Variants in HMCN1 observed in about 807,000 individuals in gnomAD.
HMCN1 encodes the protein hemicentin 1.
Under a neutral mutation model 625.9 loss-of-function variants are expected in HMCN1, and 321 were observed. The ratio of observed to expected loss-of-function variants is 0.51; its 90% confidence interval spans 0.47 to 0.56. HMCN1 has a LOEUF of 0.56. Ranked by LOEUF, HMCN1 falls within the 20% of genes least tolerant of loss-of-function variation. The pLI is 0.00. For missense variants in HMCN1, 6,588 were observed against 6,887.3 expected (o/e 0.96, Z 1.54); for synonymous variants, 2,425 against 2,417.6 (o/e 1.00, Z -0.09).
At chr1:186,027,827 C>A (rs1558155717) in intron 36 of HMCN1, among the ~76,000 whole-genome samples, 1 of 152,114 alleles carries the variant, frequency 6.6e-6, no homozygotes, top group Non-Finnish European at 1.5e-5. Context: ...TAGTAGAGCA[C>A]CCCTTATTTT....
chr1:186,161,357 G>A (rs990481203), intron 97 of HMCN1, among the ~76,000 whole-genome samples: 16 of 150,116 alleles, frequency 1.1e-4, no homozygotes, highest in African/African-American at 3.8e-4. Context: ...ACGCTGATGG[G>A]TCTTGTCTCT....
Position 186,128,103 on chromosome 1 carries a change from G to A in HMCN1, c.12716G>A (p.Cys4239Tyr). 6.2e-7 allele frequency: 1 copy of A among 1,613,474 alleles called. No individual in the cohort carries two copies. The change falls in exon 83 of 107, where the codon TGT becomes TAT. Residue 4239 changes from cysteine (C) to tyrosine (Y), a missense_variant. Around this residue, in one of 3 missense-constraint regions of HMCN1, gnomAD observed 1,954 missense variants for 2,013.1 expected, o/e 0.97. Transcript: ENST00000271588. ...CTGGAGGATTCTGGCTTCTATACCT[G>A]TGTTGCTAACAATGCTGCAGGTGAA... ...VVLEDSGFYTCVANNAAGEDT... is the reference protein window; with the variant it reads ...VVLEDSGFYTYVANNAAGEDT...
chr1:185,761,022 A>T (rs1474101822), intron 1 of HMCN1, among the ~76,000 whole-genome samples: 1 of 152,070 alleles, frequency 6.6e-6, no homozygotes, highest in Non-Finnish European at 1.5e-5. Flanking sequence ...TAATTTCTCC[A>T]CTTCCAGTAG....
At chr1:186,007,087 A>C in intron 29 of HMCN1, 41 bp from the exon 30 acceptor site, 1 of 1,507,256 alleles carries the variant, frequency 6.6e-7, no homozygotes, top group Non-Finnish European at 9.2e-7. Flanking sequence ...AATGTGAAAA[A>C]CTGAAAATAG....
chr1:185,970,973 C>T (rs1429141844), intron 15 of HMCN1, among the ~76,000 whole-genome samples: 1 of 151,922 alleles, frequency 6.6e-6, no homozygotes, highest in East Asian at 1.9e-4. Flanking sequence ...TTCTAGGTAC[C>T]GTTCGCTGTG....
rs1378423554 is a variant in HMCN1, at chr1:186,145,580, C to G, written c.14437+7C>G. ...AACACTGACATGTGTCCTGGTGAGC[C>G]TCTTGATTTCTGGCAGTTGAATAAG... On this transcript the variant is annotated splice_region_variant and intron_variant, in intron 92 of 106. Transcript: ENST00000271588. 1.2e-6 allele frequency: 2 copies of G among 1,613,614 alleles called. No homozygotes were observed. Among genetic ancestry groups the G allele is most frequent in the South Asian group, 2.2e-5 (2 of 91,038 alleles).
At chr1:185,850,892 T>G (rs527898247) in intron 2 of HMCN1, among the ~76,000 whole-genome samples, 2 of 152,264 alleles carry the variant, frequency 1.3e-5, no homozygotes, top group South Asian at 4.1e-4. Context: ...ACATTAAGCA[T>G]TGTTACAGGC....
intron 104 of HMCN1, among the ~76,000 whole-genome samples, chr1:186,181,519 T>C (rs1437436136): frequency 6.6e-6 from 1 of 152,162 alleles, no homozygotes; most frequent in African/African-American, 2.4e-5. Flanking sequence ...AAGTGTCCCT[T>C]TTAACAGAAG....
In HMCN1 at chr1:185,989,558, C is replaced by T. The variant is rs1004645270; in HGVS notation, c.3119C>T (p.Ser1040Leu). ...AGADGSLYVVSPGGEESGEYV... is the reference protein window; with the variant it reads ...AGADGSLYVVLPGGEESGEYV... ...GCTGATGGTAGTCTGTATGTGGTATCACCTGGAGGAGAGGAGAGTGGGGAG... is the reference window on the plus strand; with the variant it reads ...GCTGATGGTAGTCTGTATGTGGTATTACCTGGAGGAGAGGAGAGTGGGGAG... Residue 1040 changes from serine (S) to leucine (L), a missense_variant, in exon 21 of 107, where the codon TCA becomes TTA. Physicochemically the swap from Ser to Leu is moderately radical, Grantham distance 145. This residue lies in a region of HMCN1 where 4,628 missense variants were observed against 4,853.1 expected (regional missense o/e 0.95). Coordinates refer to ENST00000271588, the MANE Select transcript of HMCN1 (RefSeq NM_031935.3). The T allele has an allele frequency of 5.0e-6, 8 of 1,614,052 alleles. No homozygotes were observed. Among genetic ancestry groups the T allele is most frequent in the Non-Finnish European group, 6.8e-6 (8 of 1,179,934 alleles).
intron 85 of HMCN1, 114 bp downstream of exon 85, chr1:186,130,811 T>C: frequency 1.0e-6 from 1 of 964,912 alleles, no homozygotes; most frequent in East Asian, 2.6e-5. Context: ...TCATAAAATC[T>C]GAATCAAATA....
At chr1:186,116,189 C>T (rs145413071) in intron 75 of HMCN1, among the ~76,000 whole-genome samples, 166 of 152,150 alleles carry the variant, frequency 1.1e-3, no homozygotes, top group African/African-American at 3.8e-3. Context: ...TGAAAGTATA[C>T]ACTGTATGGA....
intron 1 of HMCN1, among the ~76,000 whole-genome samples, chr1:185,780,772 G>A (rs998047891): frequency 1.3e-5 from 2 of 152,124 alleles, no homozygotes; most frequent in African/African-American, 4.8e-5. Flanking sequence ...GAGGATTTTT[G>A]CATCGATGTT....
chr1:186,079,805 T>C (rs1056163171), intron 55 of HMCN1, among the ~76,000 whole-genome samples: 1 of 152,176 alleles, frequency 6.6e-6, no homozygotes. Flanking sequence ...GAGATGAGTT[T>C]AGAAGGTGGA....
rs557330073 is a variant in HMCN1, at chr1:185,786,932, T to A, written c.268+51885T>A. 1.2e-4 allele frequency among the ~76,000 whole-genome samples: 19 copies of A among 152,358 alleles called. No homozygotes were observed. The South Asian group carries it at 3.9e-3, about 32-fold the overall frequency. Reference sequence around the variant, plus strand: ...TGCTTGTTAAAAATTAAATGTGCAATGATGGGACATGCTTTTTTGCCTTAC... The same window carrying A: ...TGCTTGTTAAAAATTAAATGTGCAAAGATGGGACATGCTTTTTTGCCTTAC... On this transcript the variant is annotated intron_variant, in intron 1 of 106. Coordinates refer to ENST00000271588, the MANE Select transcript of HMCN1 (RefSeq NM_031935.3).
intron 2 of HMCN1, among the ~76,000 whole-genome samples, chr1:185,849,535 A>C (rs755527088): frequency 2.0e-5 from 3 of 152,200 alleles, no homozygotes; most frequent in Non-Finnish European, 2.9e-5. Context: ...ATACCAGAAT[A>C]TGCAGATTAA....
chr1:185,849,123 A>T (rs1331641069), intron 2 of HMCN1, among the ~76,000 whole-genome samples: 1 of 151,628 alleles, frequency 6.6e-6, no homozygotes, highest in African/African-American at 2.4e-5. Flanking sequence ...CCTACCTTTC[A>T]TTCCCATCTA....
chr1:186,111,073 T>C (rs1021534695), intron 71 of HMCN1, among the ~76,000 whole-genome samples: 9 of 142,836 alleles, frequency 6.3e-5, no homozygotes, highest in African/African-American at 2.2e-4. Flanking sequence ...CTCCGCCTCC[T>C]GGGTTCACGC....
At chr1:186,055,268 CT>C in intron 44 of HMCN1, 124 bp from the exon 45 acceptor site, 4 of 904,948 alleles carry the variant, frequency 4.4e-6, no homozygotes, top group Admixed American at 2.1e-5. Context: ...AGTCCTGGGT[CT>C]TTTCTTTAGT....
At position 185,823,780 on chromosome 1, in the gene HMCN1, C is replaced by A. The variant is rs571399901; in HGVS notation, c.269-22246C>A. ...TATAACTTAAGAACTAAAATTTAAA[C>A]AAGAAGCAGCATTTTGAATTCAGAA... On this transcript the variant is annotated intron_variant, in intron 1 of 106. Transcript: ENST00000271588. Among the ~76,000 whole-genome samples, 10 of 152,240 alleles carry A rather than the reference C, an allele frequency of 6.6e-5. No individual in the cohort carries two copies. In the East Asian group the frequency reaches 1.9e-3, roughly 29 times the overall value.
Sources: gnomAD v4.1 joint callset for allele counts (sites outside exome capture counted in the v4.1 genomes callset) on GRCh38, gnomAD v4.1.1 for gene constraint, gnomAD v4.1.1 regional missense constraint, MANE v1.5 for transcripts, NCBI Gene and HGNC (gene_info 2026-07-23, HGNC 2026-07-21) for gene names.